The following TMEM132D variants were observed in gnomAD, a reference collection of about 807,000 sequenced individuals.
TMEM132D encodes the protein mature OL transmembrane protein.
A neutral mutation model predicts 62.3 loss-of-function variants in TMEM132D; 21 were observed. The observed-to-expected ratio is 0.34, with a 90% CI of 0.24 to 0.49. The LOEUF is 0.49. Ranked by LOEUF, TMEM132D falls within the 20% of genes least tolerant of loss-of-function variation. The pLI is 0.99. For synonymous variants in TMEM132D, 621 were observed against 575.6 expected, an observed-to-expected ratio of 1.08 and a Z score of -1.13; for missense variants, 1,346 against 1,402.8, an observed-to-expected ratio of 0.96 and a Z score of 0.65.
chr12:129,486,156 C>A (rs1465874183), intron 3 of TMEM132D, among the ~76,000 whole-genome samples: 1 of 152,242 alleles, frequency 6.6e-6, no homozygotes, highest in East Asian at 1.9e-4. Context: ...CTCTTCCTCA[C>A]TCCCAGGAGG....
chr12:129,482,450 TTAAA>T (rs1335221008), intron 3 of TMEM132D, among the ~76,000 whole-genome samples: 1 of 152,234 alleles, frequency 6.6e-6, no homozygotes, highest in African/African-American at 2.4e-5. Flanking sequence ...AACAATATGT[TTAAA>T]TACTTAAGTA....
chr12:129,883,118 A>G (rs1411354374), intron 1 of TMEM132D, among the ~76,000 whole-genome samples: 1 of 152,232 alleles, frequency 6.6e-6, no homozygotes, highest in Admixed American at 6.5e-5. Context: ...ATATTCAAAA[A>G]TGACATGGTC....
In TMEM132D at chr12:129,666,799, T is replaced by C. The variant is rs193167926; in HGVS notation, c.968+33011A>G. Among the ~76,000 whole-genome samples, 7 of 152,364 alleles carry C rather than the reference T, an allele frequency of 4.6e-5. No individual in the cohort carries two copies. In the East Asian group the frequency reaches 1.3e-3, roughly 29 times the overall value. Reference sequence around the variant, plus strand: ...TTAACATTGTAACATGAAATTGAGTTACTGGAGAAACAGTTTTACATACAA... The same window carrying C: ...TTAACATTGTAACATGAAATTGAGTCACTGGAGAAACAGTTTTACATACAA... On this transcript the variant is annotated intron_variant, in intron 2 of 8. Coordinates refer to ENST00000422113, the MANE Select transcript of TMEM132D (RefSeq NM_133448.3).
intron 2 of TMEM132D, among the ~76,000 whole-genome samples, chr12:129,595,745 G>A (rs533366041): frequency 6.6e-5 from 10 of 152,306 alleles, no homozygotes; most frequent in South Asian, 4.1e-4. Flanking sequence ...AGAGCCACCC[G>A]CAGAGGAGCT....
intron 2 of TMEM132D, among the ~76,000 whole-genome samples, chr12:129,665,358 G>T (rs1254739267): frequency 6.6e-6 from 1 of 152,200 alleles, no homozygotes; most frequent in East Asian, 1.9e-4. Context: ...AATGGAATTT[G>T]CAATTTTCAG....
At chr12:129,135,161 A>T (rs1020644245) in intron 5 of TMEM132D, among the ~76,000 whole-genome samples, 1 of 152,206 alleles carries the variant, frequency 6.6e-6, no homozygotes, top group Non-Finnish European at 1.5e-5. Context: ...GGGAAGAACC[A>T]CTGAGGCATC....
At chr12:129,851,658 A>G (rs959128689) in intron 1 of TMEM132D, among the ~76,000 whole-genome samples, 9 of 148,268 alleles carry the variant, frequency 6.1e-5, no homozygotes, top group African/African-American at 2.4e-4. Context: ...TGTTCACAGC[A>G]CTGCTTCCCT....
intron 2 of TMEM132D, among the ~76,000 whole-genome samples, chr12:129,596,495 T>C (rs539594579): frequency 6.6e-6 from 1 of 152,310 alleles, no homozygotes; most frequent in Non-Finnish European, 1.5e-5. Flanking sequence ...GCCCTGCAGA[T>C]ACCAAAATCT....
rs1871728005 is a variant in TMEM132D, at chr12:129,800,415, G to T, written c.80-99717C>A. On this transcript the variant is annotated intron_variant, in intron 1 of 8. Coordinates refer to ENST00000422113, the MANE Select transcript of TMEM132D (RefSeq NM_133448.3). ...CGGGGGAGCCATATATTGAGCCTATGATACGCCAGGCCCTGGGCTAGATTC... is the reference window on the plus strand; with the variant it reads ...CGGGGGAGCCATATATTGAGCCTATTATACGCCAGGCCCTGGGCTAGATTC... 2.0e-5 allele frequency among the ~76,000 whole-genome samples: 3 copies of T among 152,050 alleles called. No individual in the cohort carries two copies. In the South Asian group the frequency reaches 6.2e-4, roughly 32 times the overall value.
intron 2 of TMEM132D, among the ~76,000 whole-genome samples, chr12:129,568,907 A>C (rs1390730233): frequency 6.6e-6 from 1 of 152,156 alleles, no homozygotes; most frequent in African/African-American, 2.4e-5. Flanking sequence ...TAAAGCAGTG[A>C]CTCTCAAACC....
chr12:129,379,106 T>C (rs1870863892), intron 3 of TMEM132D, among the ~76,000 whole-genome samples: 1 of 152,186 alleles, frequency 6.6e-6, no homozygotes, highest in African/African-American at 2.4e-5. Context: ...TTCTAATATG[T>C]GATTTAATGT....
chr12:129,627,651 G>A (rs1879257147), intron 2 of TMEM132D, among the ~76,000 whole-genome samples: 1 of 151,766 alleles, frequency 6.6e-6, no homozygotes, highest in Non-Finnish European at 1.5e-5. Flanking sequence ...CACTTACTAT[G>A]TTACCCACAA....
chr12:129,178,438 T>TC (rs937520301), intron 5 of TMEM132D, among the ~76,000 whole-genome samples: 1 of 148,550 alleles, frequency 6.7e-6, no homozygotes, highest in African/African-American at 2.5e-5. Context: ...CATCTGTTTT[T>TC]TTTTTTTTTT....
intron 2 of TMEM132D, chr12:129,698,306 G>A (rs999480233): frequency 2.0e-5 from 3 of 151,566 alleles, no homozygotes; most frequent in Non-Finnish European, 4.4e-5. Context: ...CGGCTATTCC[G>A]CGAATGGCAC....
rs1369797524 is a variant in TMEM132D at position 129,519,897 on chromosome 12, C to A, written c.1115+11162G>T. 2.0e-5 allele frequency among the ~76,000 whole-genome samples: 3 copies of A among 152,200 alleles called. No individual in the cohort carries two copies. The East Asian group carries it at 5.8e-4, about 29-fold the overall frequency. Reference sequence around the variant, plus strand: ...GTTATGGGATTACAGGTGTGAGCCACCGCACCTGGCCAAGAATGCTTGTTT... The same window carrying A: ...GTTATGGGATTACAGGTGTGAGCCAACGCACCTGGCCAAGAATGCTTGTTT... On this transcript the variant is annotated intron_variant, in intron 3 of 8. Coordinates refer to ENST00000422113, the MANE Select transcript of TMEM132D (RefSeq NM_133448.3).
At chr12:129,187,298 C>G (rs985048568) in intron 5 of TMEM132D, among the ~76,000 whole-genome samples, 7 of 152,194 alleles carry the variant, frequency 4.6e-5, no homozygotes. Context: ...TGTTAGGCCA[C>G]ACACAAAATT....
intron 1 of TMEM132D, among the ~76,000 whole-genome samples, chr12:129,872,992 C>T (rs972259571): frequency 3.3e-5 from 5 of 152,080 alleles, no homozygotes; most frequent in Non-Finnish European, 5.9e-5. Context: ...CTTCATTCAG[C>T]GTGAAGAAGG....
intron 1 of TMEM132D, among the ~76,000 whole-genome samples, chr12:129,898,441 C>T (rs1369061319): frequency 5.3e-5 from 8 of 152,196 alleles, no homozygotes; most frequent in Admixed American, 4.6e-4. Context: ...TGCACTCCCC[C>T]AAAAGATATT....
intron 5 of TMEM132D, among the ~76,000 whole-genome samples, chr12:129,153,168 G>A (rs1877126881): frequency 6.6e-6 from 1 of 152,078 alleles, no homozygotes; most frequent in African/African-American, 2.4e-5. Flanking sequence ...TGTCGTTTCT[G>A]TTGTCCTGAC....
Sources: gnomAD v4.1 joint callset for allele counts (sites outside exome capture counted in the v4.1 genomes callset) on GRCh38, gnomAD v4.1.1 for gene constraint, MANE v1.5 for transcripts, NCBI Gene and HGNC (gene_info 2026-07-23, HGNC 2026-07-21) for gene names.